The following GABRA3 variants were observed in gnomAD, a reference collection of about 807,000 sequenced individuals.
The protein encoded by GABRA3 is gamma-aminobutyric acid receptor subunit alpha-3.
A neutral mutation model predicts 30.1 loss-of-function variants in GABRA3; 10 were observed. That is an observed-to-expected ratio of 0.33 (90% CI 0.20 to 0.56). GABRA3 has a LOEUF of 0.56. Among genes scored for constraint, GABRA3 ranks in the 20% least tolerant of loss-of-function variants. The probability of loss-of-function intolerance (pLI) is 0.89; values close to 1 mark genes in which losing one functional copy is unlikely to be tolerated. For missense variants in GABRA3, 233 were observed against 392.0 expected, an observed-to-expected ratio of 0.59 and a Z score of 3.42; for synonymous variants, 151 against 146.8, an observed-to-expected ratio of 1.03 and a Z score of -0.21.
At chrX:152,300,003 G>C (rs746646151) in intron 3 of GABRA3, among the ~76,000 whole-genome samples, 167 of 112,293 alleles carry the variant, frequency 1.5e-3, no homozygotes, top group Non-Finnish European at 2.5e-3. Context: ...GAATACCAGA[G>C]TGGAGATGGT....
At chrX:152,278,571 C>T (rs915898893) in intron 4 of GABRA3, among the ~76,000 whole-genome samples, 1 of 111,655 alleles carries the variant, frequency 9.0e-6, no homozygotes, top group Non-Finnish European at 1.9e-5. Context: ...AATAAACATA[C>T]ATGTGCATGT....
Position 152,189,745 on chromosome X carries a change from C to T in GABRA3, c.1128G>A (p.Glu376=). ...SWAWEGKKVP[E]ALEMKKKTPA... The stretch of plus-strand genomic sequence containing the variant: ...TATATCTCACCTTCATCTCCAGGGC[C>T]TCTGGCACCTTCTTGCCTTCCCAAG... Residue 376 remains glutamate, a synonymous_variant, in exon 9 of 10, where the codon GAG becomes GAA. Transcript: ENST00000370314. The T allele has an allele frequency of 7.5e-6, 9 of 1,206,606 alleles. No individual in the cohort carries two copies. The highest frequency in any genetic ancestry group is 9.0e-6 in the Non-Finnish European group (8 of 891,903).
intron 1 of GABRA3, among the ~76,000 whole-genome samples, chrX:152,419,355 A>G (rs991725595): frequency 9.0e-6 from 1 of 111,504 alleles, no homozygotes. Context: ...ATTAAAAGCC[A>G]CCAGCAAGCC....
chrX:152,435,583 T>A (rs6627236), intron 1 of GABRA3, among the ~76,000 whole-genome samples: 1 of 95,583 alleles, frequency 1.0e-5, no homozygotes, highest in Non-Finnish European at 2.0e-5. Flanking sequence ...CATCACACAC[T>A]GGGGCCTGTC....
At chrX:152,261,850 G>A (rs1370090364) in intron 4 of GABRA3, among the ~76,000 whole-genome samples, 2 of 112,349 alleles carry the variant, frequency 1.8e-5, no homozygotes, top group African/African-American at 6.5e-5. Flanking sequence ...TCTGTGTGTG[G>A]CCTTCAACCC....
At chrX:152,223,949 G>A (rs751265799) in intron 6 of GABRA3, among the ~76,000 whole-genome samples, 64 of 110,990 alleles carry the variant, frequency 5.8e-4, no homozygotes, top group African/African-American at 2.0e-3. Flanking sequence ...TTTTATTCAC[G>A]GATGCATTCC....
intron 2 of GABRA3, among the ~76,000 whole-genome samples, chrX:152,361,718 G>C (rs1053698199): frequency 9.2e-6 from 1 of 109,218 alleles, no homozygotes; most frequent in African/African-American, 3.3e-5. Context: ...CTGGGCTCAA[G>C]AGATCCTTCT....
At chrX:152,257,798 G>T (rs1039652317) in intron 4 of GABRA3, among the ~76,000 whole-genome samples, 8 of 112,417 alleles carry the variant, frequency 7.1e-5, no homozygotes, top group Non-Finnish European at 1.5e-4. Context: ...CAAAAAGGAA[G>T]AGGGAGGAGT....
At chrX:152,413,544 C>T (rs996670021) in intron 1 of GABRA3, among the ~76,000 whole-genome samples, 2 of 111,189 alleles carry the variant, frequency 1.8e-5, no homozygotes, top group African/African-American at 6.5e-5. Flanking sequence ...TAACAACATG[C>T]CAAAGAGGCA....
chrX:152,232,522 T>C (rs1021280229), intron 5 of GABRA3, among the ~76,000 whole-genome samples: 1 of 110,151 alleles, frequency 9.1e-6, no homozygotes, highest in African/African-American at 3.3e-5. Flanking sequence ...GTATTTGACT[T>C]TCTGTTTCTT....
At chrX:152,200,523 G>C (rs988485693) in intron 7 of GABRA3, among the ~76,000 whole-genome samples, 3 of 108,948 alleles carry the variant, frequency 2.8e-5, no homozygotes, top group African/African-American at 1.0e-4. Context: ...TTCTTTCTTT[G>C]TTTTATCTTC....
At chrX:152,237,834 A>G (rs1300106013) in intron 5 of GABRA3, among the ~76,000 whole-genome samples, 53 of 108,806 alleles carry the variant, frequency 4.9e-4, no homozygotes, top group African/African-American at 1.7e-3. Flanking sequence ...ATTTTTGTAC[A>G]TTGATTTTGT....
intron 3 of GABRA3, among the ~76,000 whole-genome samples, chrX:152,331,706 G>C (rs7885782): frequency 0.11 from 11,942 of 110,682 alleles, 527 homozygotes; most frequent in African/African-American, 0.13. Context: ...CTTATTTACA[G>C]GTCAACAAGT....
chrX:152,348,485 T>C (rs906061176), intron 2 of GABRA3, among the ~76,000 whole-genome samples: 2 of 111,763 alleles, frequency 1.8e-5, no homozygotes, highest in Admixed American at 9.5e-5. Flanking sequence ...ACTAATACAC[T>C]ATCTGAAGGT....
intron 3 of GABRA3, among the ~76,000 whole-genome samples, chrX:152,294,587 C>T (rs966929516): frequency 4.5e-5 from 5 of 111,140 alleles, no homozygotes; most frequent in Non-Finnish European, 9.4e-5. Context: ...TCCTTTAGCT[C>T]AGAGAAGTTT....
At chrX:152,241,956 ACC>A (rs956007316) in intron 5 of GABRA3, among the ~76,000 whole-genome samples, 2 of 110,635 alleles carry the variant, frequency 1.8e-5, no homozygotes, top group Non-Finnish European at 3.8e-5. Context: ...TGCAGAAATC[ACC>A]CGTCTTCTGC....
At chrX:152,408,784 A>G (rs1225691604) in intron 1 of GABRA3, among the ~76,000 whole-genome samples, 1 of 110,706 alleles carries the variant, frequency 9.0e-6, no homozygotes, top group African/African-American at 3.3e-5. Flanking sequence ...AAAAAAAAAA[A>G]AACCTGGAGA....
intron 5 of GABRA3, among the ~76,000 whole-genome samples, chrX:152,237,257 T>G (rs1399889208): frequency 1.8e-5 from 2 of 110,848 alleles, no homozygotes; most frequent in Non-Finnish European, 3.8e-5. Flanking sequence ...TAGGGAATCC[T>G]TTCCCCATTT....
At chrX:152,442,079 A>G (rs1176731654) in intron 1 of GABRA3, among the ~76,000 whole-genome samples, 9 of 111,467 alleles carry the variant, frequency 8.1e-5, no homozygotes, top group Non-Finnish European at 3.8e-5. Flanking sequence ...TATATCACAA[A>G]TAATTAGTAT....
Sources: gnomAD v4.1 joint callset for allele counts (sites outside exome capture counted in the v4.1 genomes callset) on GRCh38, gnomAD v4.1.1 for gene constraint, MANE v1.5 for transcripts, NCBI Gene and HGNC (gene_info 2026-07-23, HGNC 2026-07-21) for gene names.